TFCP2: variants seen among roughly 807,000 people sequenced by gnomAD.
The protein encoded by TFCP2 is transcription factor CP2.
In TFCP2, 33 loss-of-function variants were observed where a neutral mutation model predicts 73.4. That is an observed-to-expected ratio of 0.45 (90% CI 0.34 to 0.60). TFCP2 has a LOEUF of 0.60. TFCP2 is among the 20% of genes least tolerant of loss of function. The pLI, the probability that TFCP2 is intolerant of heterozygous loss-of-function variation, is 0.01. For synonymous variants in TFCP2, 193 were observed against 211.6 expected (o/e 0.91, Z 0.76); for missense variants, 352 against 604.0 (o/e 0.58, Z 4.37).
chr12:51,112,827 A>T (rs1246461119), intron 4 of TFCP2, among the ~76,000 whole-genome samples: 1 of 147,904 alleles, frequency 6.8e-6, no homozygotes, highest in Non-Finnish European at 1.5e-5. Flanking sequence ...AGATCATGCC[A>T]TTGTACTCCA....
chr12:51,141,716 A>G (rs1046962020), intron 1 of TFCP2, among the ~76,000 whole-genome samples: 7 of 151,366 alleles, frequency 4.6e-5, no homozygotes, highest in African/African-American at 1.7e-4. Context: ...CCTGGACAAC[A>G]TAGTGAAAAC....
intron 1 of TFCP2, among the ~76,000 whole-genome samples, chr12:51,133,370 T>C (rs1051349192): frequency 6.6e-6 from 1 of 152,054 alleles, no homozygotes; most frequent in Non-Finnish European, 1.5e-5. Flanking sequence ...AGTGGCGTAA[T>C]CACCACTCAC....
chr12:51,098,049 G>C (rs1036677950), intron 13 of TFCP2, among the ~76,000 whole-genome samples: 3 of 151,568 alleles, frequency 2.0e-5, no homozygotes, highest in Non-Finnish European at 4.4e-5. Context: ...AAAATTCACC[G>C]GGGGAAGTAA....
chr12:51,096,123 T>A, intron 13 of TFCP2, 83 bp from the exon 14 acceptor site: 1 of 1,068,634 alleles, frequency 9.4e-7, no homozygotes, highest in Non-Finnish European at 1.4e-6. Context: ...CTACCCCACA[T>A]CCAGAGGGAT....
At chr12:51,158,403 C>T (rs546033418) in intron 1 of TFCP2, among the ~76,000 whole-genome samples, 2 of 152,282 alleles carry the variant, frequency 1.3e-5, no homozygotes, top group African/African-American at 4.8e-5. Context: ...GAGGCTTCCA[C>T]CCACCCCTGG....
chr12:51,098,507 T>G (rs1940023806), intron 13 of TFCP2, among the ~76,000 whole-genome samples: 1 of 152,022 alleles, frequency 6.6e-6, no homozygotes, highest in Non-Finnish European at 1.5e-5. Context: ...ACGCCTGTAA[T>G]TCCCACTATT....
At chr12:51,095,804 ACT>A (rs1434058244) in intron 14 of TFCP2, among the ~76,000 whole-genome samples, 183 bp downstream of exon 14, 10 of 117,716 alleles carry the variant, frequency 8.5e-5, no homozygotes, top group Non-Finnish European at 1.6e-4. Flanking sequence ...ACAGATCGAG[ACT>A]CTGTTTCAAA....
At chr12:51,118,378 C>A (rs1056907268) in intron 2 of TFCP2, among the ~76,000 whole-genome samples, 1 of 152,072 alleles carries the variant, frequency 6.6e-6, no homozygotes, top group African/African-American at 2.4e-5. Context: ...CACGATGAAA[C>A]CCTATCTCTA....
chr12:51,164,067 G>A (rs1941703497), intron 1 of TFCP2, among the ~76,000 whole-genome samples: 1 of 151,986 alleles, frequency 6.6e-6, no homozygotes, highest in Non-Finnish European at 1.5e-5. Flanking sequence ...GCTGGGTTTG[G>A]TGATGCATGC....
intron 1 of TFCP2, among the ~76,000 whole-genome samples, chr12:51,122,384 G>A (rs1320310373): frequency 2.7e-5 from 4 of 149,722 alleles, no homozygotes; most frequent in East Asian, 2.0e-4. Flanking sequence ...TCAGCTTCCC[G>A]GGTAGCTGGG....
chr12:51,124,472 T>G (rs551945223), intron 1 of TFCP2, among the ~76,000 whole-genome samples: 2 of 152,162 alleles, frequency 1.3e-5, no homozygotes, highest in Non-Finnish European at 2.9e-5. Flanking sequence ...TTCCTTCACT[T>G]TAAGCCAATT....
chr12:51,151,448 T>G (rs779433633), intron 1 of TFCP2, among the ~76,000 whole-genome samples: 5 of 152,180 alleles, frequency 3.3e-5, no homozygotes, highest in Non-Finnish European at 5.9e-5. Context: ...TTGTTGTTAT[T>G]GTTGTTGAGA....
intron 1 of TFCP2, among the ~76,000 whole-genome samples, chr12:51,126,232 CAAAAA>C (rs371407608): frequency 1.1e-5 from 1 of 87,766 alleles, no homozygotes; most frequent in African/African-American, 4.6e-5. Context: ...GACTCTGTCT[CAAAAA>C]AAAAAAAAAA....
chr12:51,161,685 A>AAG, intron 1 of TFCP2, among the ~76,000 whole-genome samples: 1 of 149,360 alleles, frequency 6.7e-6, no homozygotes, highest in South Asian at 2.1e-4. Context: ...GTCTCAAAAA[A>AAG]AATAATAATA....
intron 13 of TFCP2, among the ~76,000 whole-genome samples, chr12:51,098,383 T>G (rs575932470): frequency 2.6e-5 from 4 of 152,124 alleles, no homozygotes; most frequent in Admixed American, 6.5e-5. Context: ...CCCACCACTT[T>G]GGGAGGCCGA....
At chr12:51,149,600 T>A (rs1489778992) in intron 1 of TFCP2, among the ~76,000 whole-genome samples, 1 of 151,978 alleles carries the variant, frequency 6.6e-6, no homozygotes, top group Non-Finnish European at 1.5e-5. Flanking sequence ...TTTTTCTTAA[T>A]TTTTTTTCTT....
intron 5 of TFCP2, among the ~76,000 whole-genome samples, chr12:51,110,135 G>A (rs1019882141): frequency 2.0e-5 from 3 of 152,132 alleles, no homozygotes; most frequent in Non-Finnish European, 2.9e-5. Context: ...TTCATGTGAA[G>A]TATTAATAAA....
intron 7 of TFCP2, chr12:51,106,925 A>G (rs1053022142): frequency 5.9e-6 from 3 of 512,476 alleles, no homozygotes; most frequent in Non-Finnish European, 1.1e-5. Context: ...TTTATGCCCA[A>G]GATGAAACTG....
At chr12:51,103,828 C>G in intron 9 of TFCP2, 65 bp from the exon 10 acceptor site, 4 of 1,235,102 alleles carry the variant, frequency 3.2e-6, no homozygotes, top group Non-Finnish European at 4.7e-6. Flanking sequence ...TTAGGTAACA[C>G]ATAGCCAAAC....
Sources: allele counts gnomAD v4.1 joint callset (sites outside exome capture counted in the v4.1 genomes callset), GRCh38; gene constraint gnomAD v4.1.1; transcripts MANE v1.5; gene names NCBI Gene and HGNC (gene_info 2026-07-23, HGNC 2026-07-21).